The following TM4SF19 variants were observed in gnomAD, a reference collection of about 807,000 sequenced individuals.
The protein encoded by TM4SF19 is transmembrane 4 L six family member 19.
TM4SF19 carries 17 observed loss-of-function variants against 21.8 expected under a neutral mutation model. That is an observed-to-expected ratio of 0.78 (90% confidence interval 0.53 to 1.17). The LOEUF is 1.17. TM4SF19 is among the 50% of genes most tolerant of loss of function. The pLI, the probability that TM4SF19 is intolerant of heterozygous loss-of-function variation, is 0.00. For synonymous variants in TM4SF19, 107 were observed against 106.7 expected (o/e 1.00, Z -0.02); for missense variants, 216 against 252.1 (o/e 0.86, Z 0.97).
chr3:196,332,525 G>T (rs1456547098), intron 1 of TM4SF19, among the ~76,000 whole-genome samples: 1 of 151,024 alleles, frequency 6.6e-6, no homozygotes, highest in Non-Finnish European at 1.5e-5. Flanking sequence ...ATATATAAAA[G>T]ATATGGATCA....
At chr3:196,336,976 C>T (rs975812430) in intron 1 of TM4SF19, among the ~76,000 whole-genome samples, 6 of 150,446 alleles carry the variant, frequency 4.0e-5, no homozygotes, top group Non-Finnish European at 5.9e-5. Context: ...AGGGATATAA[C>T]GATGAAAAAG....
At position 196,327,493 on chromosome 3, in the gene TM4SF19, T is replaced by C. The variant is rs1037284191; in HGVS notation, c.98A>G (p.Asn33Ser). 1 of 1,614,084 alleles carries C rather than the reference T, an allele frequency of 6.2e-7. No homozygotes were observed. Residue 33 changes from asparagine (N) to serine (S), a missense_variant, in exon 2 of 5, where the codon AAC becomes AGC. Transcript: ENST00000273695. The stretch of plus-strand genomic sequence containing the variant: ...CCAGTTAGGAAGGAGGAGTGCCACG[T>C]TGGCCCCAGCAGCAAACAGGGCTGC... ...GTAALFAAGA[N>S]VALLLPNWDV... is the part of the protein sequence containing the mutation.
intron 4 of TM4SF19, 45 bp downstream of exon 4, chr3:196,324,226 C>G: frequency 6.3e-7 from 1 of 1,598,712 alleles, no homozygotes; most frequent in Non-Finnish European, 8.6e-7. Context: ...GTCTCTCTCT[C>G]TCTCTCTGTC....
At chr3:196,327,179 GC>G in intron 2 of TM4SF19, 147 bp from the exon 3 acceptor site, 1 of 794,344 alleles carries the variant, frequency 1.3e-6, no homozygotes, top group Non-Finnish European at 2.1e-6. Flanking sequence ...TGTATGACGA[GC>G]CTGATCTAAC....
intron 1 of TM4SF19, among the ~76,000 whole-genome samples, chr3:196,332,453 A>AGAAAG (rs1312059734): frequency 6.7e-6 from 1 of 149,786 alleles, no homozygotes; most frequent in African/African-American, 2.5e-5. Flanking sequence ...GGAGGAAGGA[A>AGAAAG]GAAAGGAAAG....
intron 1 of TM4SF19, among the ~76,000 whole-genome samples, chr3:196,333,648 C>T (rs893249384): frequency 1.3e-5 from 2 of 152,166 alleles, no homozygotes; most frequent in Non-Finnish European, 2.9e-5. Flanking sequence ...AGGTACCGCG[C>T]TCACTACCTG....
chr3:196,337,122 C>T (rs1175792299), intron 1 of TM4SF19, among the ~76,000 whole-genome samples: 6 of 130,564 alleles, frequency 4.6e-5, no homozygotes, highest in Non-Finnish European at 6.2e-5. Context: ...AGTGCAGCGG[C>T]ATGCTCTTGG....
intron 1 of TM4SF19, among the ~76,000 whole-genome samples, chr3:196,330,312 GT>G (rs1168790269): frequency 2.0e-5 from 3 of 152,096 alleles, no homozygotes; most frequent in Non-Finnish European, 4.4e-5. Context: ...GTGAAGAAAA[GT>G]TTTGGAAATA....
At chr3:196,332,874 A>G (rs1727577662) in intron 1 of TM4SF19, among the ~76,000 whole-genome samples, 2 of 113,842 alleles carry the variant, frequency 1.8e-5, no homozygotes, top group Non-Finnish European at 1.9e-5. Flanking sequence ...TTTTTTTGAG[A>G]CAGGGTCTTG....
chr3:196,333,203 C>T (rs1193930893), intron 1 of TM4SF19, among the ~76,000 whole-genome samples: 1 of 152,162 alleles, frequency 6.6e-6, no homozygotes, highest in South Asian at 2.1e-4. Flanking sequence ...CAGTAGAAAC[C>T]GTAATCCCAT....
intron 1 of TM4SF19, among the ~76,000 whole-genome samples, chr3:196,335,904 G>A (rs572215409): frequency 5.9e-5 from 9 of 152,068 alleles, no homozygotes; most frequent in South Asian, 4.2e-4. Flanking sequence ...CCACCCAGAT[G>A]TCTGACCGGG....
In TM4SF19 at chr3:196,323,874, C is replaced by G; in HGVS notation, c.573G>C (p.Val191=). Residue 191 remains valine, a synonymous_variant, in exon 5 of 5, where the codon GTG becomes GTC. Transcript: ENST00000273695. ...GGAGGCTGTTGATGACATGAACGAC[C>G]ACCAGGAGAAGCTGGAGCAGGCTGA... ...LCISLLQLLL[V]VVHVINSLLG... is the part of the protein sequence containing the mutation. 6.2e-7 allele frequency: 1 copy of G among 1,614,128 alleles called. No homozygotes were observed.
chr3:196,327,055 G>A (rs1458800418), intron 2 of TM4SF19, 23 bp from the exon 3 acceptor site: 1 of 1,584,974 alleles, frequency 6.3e-7, no homozygotes, highest in East Asian at 2.3e-5. Context: ...GAAGAATGTT[G>A]AGATGGGGAA....
At chr3:196,336,216 G>C (rs767360013) in intron 1 of TM4SF19, among the ~76,000 whole-genome samples, 26 of 151,862 alleles carry the variant, frequency 1.7e-4, no homozygotes, top group Non-Finnish European at 2.9e-4. Context: ...TCAGCTCACT[G>C]CTACCTCCGC....
Position 196,324,136 on chromosome 3 carries a change from GC to G in TM4SF19, c.449+134del, listed in dbSNP as rs763207130. 9 of 1,433,310 alleles carry G rather than the reference GC, an allele frequency of 6.3e-6. No homozygotes were observed. In the East Asian group the frequency reaches 1.2e-4, roughly 18 times the overall value. The allele number at this position is 1,433,310 out of a possible 1,614,324, so 88.8% of individuals were successfully genotyped here. Reference sequence around the variant, plus strand: ...GAGGGTGACCGTTACTGCTCCATTTGCAATTTTCTGAGTATCAGAGGAGCAA... The same window carrying G: ...GAGGGTGACCGTTACTGCTCCATTTGAATTTTCTGAGTATCAGAGGAGCAA... On this transcript the variant is annotated intron_variant, in intron 4 of 4. Coordinates refer to ENST00000273695, the MANE Select transcript of TM4SF19 (RefSeq NM_138461.4).
chr3:196,326,562 T>C (rs1727300173), intron 3 of TM4SF19, among the ~76,000 whole-genome samples: 1 of 152,194 alleles, frequency 6.6e-6, no homozygotes, highest in Non-Finnish European at 1.5e-5. Flanking sequence ...TCTGGAAAAC[T>C]TTCCTGTTCT....
chr3:196,324,527 G>T, intron 3 of TM4SF19, 87 bp from the exon 4 acceptor site: 1 of 1,464,324 alleles, frequency 6.8e-7, no homozygotes, highest in Non-Finnish European at 9.4e-7. Flanking sequence ...CTAAGACGGG[G>T]TCGCAGCTGG....
intron 1 of TM4SF19, among the ~76,000 whole-genome samples, chr3:196,332,196 G>T (rs986525443): frequency 9.9e-5 from 15 of 151,684 alleles, no homozygotes; most frequent in Non-Finnish European, 1.9e-4. Context: ...GCGTGAACCT[G>T]GGGGGCTGAG....
chr3:196,324,773 C>T (rs1357539018), intron 3 of TM4SF19: 1 of 244,976 alleles, frequency 4.1e-6, no homozygotes, highest in East Asian at 8.4e-5. Context: ...ACCTTTTGCA[C>T]ATTACAGCCA....
Sources: allele counts gnomAD v4.1 joint callset (sites outside exome capture counted in the v4.1 genomes callset), GRCh38; gene constraint gnomAD v4.1.1; transcripts MANE v1.5; gene names NCBI Gene and HGNC (gene_info 2026-07-23, HGNC 2026-07-21).